B9D1: variants seen among roughly 807,000 people sequenced by gnomAD.
The protein encoded by B9D1 is B9 domain containing 1.
B9D1 carries 20 observed loss-of-function variants against 26.1 expected under a neutral mutation model. The ratio of observed to expected loss-of-function variants is 0.77; its 90% CI spans 0.54 to 1.12. The LOEUF is 1.12. Among genes scored for constraint, B9D1 ranks in the 50% most tolerant of loss-of-function variants. B9D1 has a pLI of 0.00. For missense variants in B9D1, 260 were observed against 273.7 expected (o/e 0.95, Z 0.35); for synonymous variants, 105 against 103.1 (o/e 1.02, Z -0.11).
chr17:19,342,285 G>A (rs976296989), downstream of B9D1, among the ~76,000 whole-genome samples: 2 of 152,188 alleles, frequency 1.3e-5, no homozygotes, highest in African/African-American at 4.8e-5. Flanking sequence ...AGAACGCACA[G>A]TGAGTTGGGG....
At chr17:19,358,556 T>C (rs1910646386) in intron 2 of B9D1, among the ~76,000 whole-genome samples, 1 of 152,236 alleles carries the variant, frequency 6.6e-6, no homozygotes, top group African/African-American at 2.4e-5. Context: ...TGGTCATTTC[T>C]CTATCCTCGT....
intron 1 of B9D1, among the ~76,000 whole-genome samples, chr17:19,361,589 A>G (rs1041151184): frequency 7.2e-5 from 11 of 152,118 alleles, no homozygotes; most frequent in African/African-American, 2.2e-4. Flanking sequence ...GAGTGGGGAA[A>G]GACGGTCTTA....
downstream of B9D1, among the ~76,000 whole-genome samples, chr17:19,339,075 C>T (rs1339298374): frequency 6.6e-6 from 1 of 152,150 alleles, no homozygotes; most frequent in Non-Finnish European, 1.5e-5. Flanking sequence ...AGAGCCACCC[C>T]CTTAATTCCG....
rs1343892481 is a variant in B9D1, at chr17:19,359,824, G to C, written c.132+496C>G. 3.9e-5 allele frequency among the ~76,000 whole-genome samples: 6 copies of C among 152,246 alleles called. 1 individual carries two copies. Among genetic ancestry groups the C allele is most frequent in the Non-Finnish European group, 8.8e-5 (6 of 68,052 alleles). On this transcript the variant is annotated intron_variant, in intron 2 of 6. Transcript: ENST00000261499. The surrounding 1 kb of genome is among the most constrained non-coding windows in gnomAD (Gnocchi z 5.0). Reference sequence around the variant, plus strand: ...CAGTCTCCTTTTCTTAAACTGCTATGAAGATGAAACAAGTGCTTTGCAAAC... The same window carrying C: ...CAGTCTCCTTTTCTTAAACTGCTATCAAGATGAAACAAGTGCTTTGCAAAC...
intron 1 of B9D1, among the ~76,000 whole-genome samples, chr17:19,360,944 G>A (rs978486828): frequency 1.3e-5 from 2 of 152,184 alleles, no homozygotes; most frequent in Non-Finnish European, 2.9e-5. Flanking sequence ...AGGCGAGCAA[G>A]CAAAGCTTCA....
At chr17:19,362,752 AG>A (rs3215866), upstream of B9D1, 1,450 of 1,195,688 alleles carry the variant, frequency 1.2e-3, 69 homozygotes, top group East Asian at 0.058. Context: ...CGCCGTTATA[AG>A]GGGGCGGGGC....
chr17:19,362,781 A>G, upstream of B9D1: 1 of 1,418,578 alleles, frequency 7.0e-7, no homozygotes, highest in Non-Finnish European at 9.5e-7. Context: ...GCGGGGATCC[A>G]CGCCGAGGCT....
chr17:19,344,996 A>G (rs1475312272), intron 5 of B9D1, among the ~76,000 whole-genome samples: 1 of 152,240 alleles, frequency 6.6e-6, no homozygotes, highest in East Asian at 1.9e-4. Context: ...ATGTATGAGG[A>G]CTGGGGCCTG....
intron 5 of B9D1, chr17:19,346,999 C>A (rs752351474): frequency 1.0e-5 from 16 of 1,535,950 alleles, no homozygotes; most frequent in Non-Finnish European, 1.4e-5. Context: ...GAGCATTTTT[C>A]CCATCTGACA....
intron 1 of B9D1, among the ~76,000 whole-genome samples, chr17:19,368,801 G>A (rs148691900): frequency 5.9e-4 from 90 of 152,214 alleles, no homozygotes; most frequent in African/African-American, 2.1e-3. Context: ...AAATAAATTA[G>A]CCAGGCATGG....
chr17:19,362,487 C>T lies in B9D1; in HGVS notation c.63+20G>A, dbSNP rs765907063. The T allele has an allele frequency of 2.6e-6, 4 of 1,537,952 alleles. No individual in the cohort carries two copies. Among genetic ancestry groups the T allele is most frequent in the African/African-American group, 1.4e-5 (1 of 73,126 alleles). On this transcript the variant is annotated intron_variant, in intron 1 of 6. Transcript: ENST00000261499. ...GGGGACGCTGGGGGGCGGGCCCCGG[C>T]GGGGTCCACGGCCGCTCACCTGGGC...
rs1356455901 is a variant in B9D1 at position 19,372,208 on chromosome 17, C to G, written c.-298+5651G>C. 1 of 152,354 alleles carries G rather than the reference C, an allele frequency of 6.6e-6. No individual in the cohort carries two copies. The highest frequency in any genetic ancestry group is 2.4e-5 in the African/African-American group (1 of 41,466). The allele number at this position is 152,354 out of a possible 1,614,324, so 9.4% of individuals were successfully genotyped here. A position where few individuals can be genotyped will look rare whatever the true frequency, so the allele number is the denominator to read the frequency against. On this transcript the variant is annotated intron_variant, in intron 1 of 5. Coordinates refer to the B9D1 transcript ENST00000477478. This position sits in a 1 kb window ranked among gnomAD's most constrained non-coding sequence, Gnocchi z 4.4. The stretch of plus-strand genomic sequence containing the variant: ...GCTGCAGTGTGGGTGAAGGGCCAGA[C>G]CTTGTGTCAGGTGCCCCTGCAGATA...
chr17:19,357,990 G>A, intron 2 of B9D1, 39 bp from the exon 3 acceptor site: 2 of 1,524,294 alleles, frequency 1.3e-6, no homozygotes, highest in African/African-American at 1.4e-5. Flanking sequence ...ATTCAGAGCA[G>A]AGCCAAGCTG....
At chr17:19,362,417 T>A (rs951866292) in intron 1 of B9D1, 90 bp downstream of exon 1, 1 of 951,490 alleles carries the variant, frequency 1.1e-6, no homozygotes. Flanking sequence ...GACGTGGCTC[T>A]CCGGGGGCCA....
downstream of B9D1, among the ~76,000 whole-genome samples, chr17:19,340,042 C>G (rs964171635): frequency 8.2e-5 from 12 of 145,580 alleles, no homozygotes; most frequent in South Asian, 1.9e-3. Flanking sequence ...AACCCCCCCC[C>G]CCCCCCGGCT....
intron 1 of B9D1, among the ~76,000 whole-genome samples, chr17:19,361,507 G>A (rs931312985): frequency 1.3e-5 from 2 of 152,160 alleles, no homozygotes; most frequent in East Asian, 1.9e-4. Context: ...GTGGCGGGGG[G>A]GTCGCTGATG....
At position 19,356,542 on chromosome 17, in the gene B9D1, C is replaced by G. The variant is rs560649220; in HGVS notation, c.244+1298G>C. Among the ~76,000 whole-genome samples, 10 of 152,310 alleles carry G rather than the reference C, an allele frequency of 6.6e-5. No individual in the cohort carries two copies. The South Asian group carries it at 8.3e-4, about 13-fold the overall frequency. On this transcript the variant is annotated intron_variant, in intron 3 of 6. Coordinates refer to ENST00000261499, the MANE Select transcript of B9D1 (RefSeq NM_015681.6). Reference sequence around the variant, plus strand: ...CATCTCTCCCTTATTCCTAGGGCAGCTCTTTGAGGTCTTAACCCAGTTGGT... The same window carrying G: ...CATCTCTCCCTTATTCCTAGGGCAGGTCTTTGAGGTCTTAACCCAGTTGGT...
At chr17:19,363,069 G>T (rs1253452161), upstream of B9D1, 3 of 201,064 alleles carry the variant, frequency 1.5e-5, no homozygotes, top group Admixed American at 1.7e-4. Context: ...GGAGGGAGGC[G>T]CTGCAGAGCA....
intron 1 of B9D1, among the ~76,000 whole-genome samples, chr17:19,361,401 A>G (rs893142570): frequency 3.3e-5 from 5 of 152,170 alleles, no homozygotes; most frequent in African/African-American, 1.2e-4. Context: ...CTGAGAACCC[A>G]GGAAGCCATC....
Sources: gnomAD v4.1 joint callset for allele counts (sites outside exome capture counted in the v4.1 genomes callset) on GRCh38, gnomAD v4.1.1 for gene constraint, Gnocchi (gnomAD v3.1) non-coding constraint, MANE v1.5 for transcripts, NCBI Gene and HGNC (gene_info 2026-07-23, HGNC 2026-07-21) for gene names.